Variants in DIS3L2 observed in about 807,000 individuals in gnomAD.
DIS3L2 encodes the protein DIS3 like 3'-5' exoribonuclease 2.
In DIS3L2, 34 loss-of-function variants were observed where a neutral mutation model predicts 97.5. That is an observed-to-expected ratio of 0.35 (90% CI 0.27 to 0.46). The LOEUF is 0.46. Among genes scored for constraint, DIS3L2 ranks in the 20% least tolerant of loss-of-function variants. The probability of loss-of-function intolerance (pLI) is 1.00; values close to 1 mark genes in which losing one functional copy is unlikely to be tolerated. For synonymous variants in DIS3L2, 435 were observed against 445.2 expected (o/e 0.98, Z 0.29); for missense variants, 1,038 against 1,146.0 (o/e 0.91, Z 1.36).
At chr2:232,089,804 G>T (rs1430025461) in intron 6 of DIS3L2, among the ~76,000 whole-genome samples, 2 of 152,162 alleles carry the variant, frequency 1.3e-5, no homozygotes, top group African/African-American at 4.8e-5. Flanking sequence ...AATACTGATG[G>T]ATGGAAGTGA....
At chr2:232,270,909 T>TCTCTCTCC (rs1693989893) in intron 13 of DIS3L2, among the ~76,000 whole-genome samples, 1 of 128,138 alleles carries the variant, frequency 7.8e-6, no homozygotes, top group East Asian at 2.0e-4. Flanking sequence ...TCTCTCTCTC[T>TCTCTCTCC]CTCTCTGTCT....
chr2:232,334,244 T>G, intron 17 of DIS3L2, 125 bp from the exon 18 acceptor site: 1 of 1,318,910 alleles, frequency 7.6e-7, no homozygotes, highest in Non-Finnish European at 1.0e-6. Context: ...TCTGCTGCCC[T>G]GGGAGCTGGG....
At chr2:232,016,921 TCTCCCTCC>T (rs1159539698) in intron 3 of DIS3L2, among the ~76,000 whole-genome samples, 1 of 88,624 alleles carries the variant, frequency 1.1e-5, no homozygotes, top group Non-Finnish European at 2.2e-5. Context: ...TCCCTCCCTC[TCTCCCTCC>T]CTCCCTCCCT....
chr2:232,309,012 A>G (rs574602770), intron 14 of DIS3L2, among the ~76,000 whole-genome samples: 3 of 152,096 alleles, frequency 2.0e-5, no homozygotes, highest in African/African-American at 7.2e-5. Context: ...AGGGGAGGGA[A>G]CAGGGGCAGG....
At chr2:232,206,746 G>A (rs1160462383) in intron 9 of DIS3L2, among the ~76,000 whole-genome samples, 1 of 152,088 alleles carries the variant, frequency 6.6e-6, no homozygotes, top group Non-Finnish European at 1.5e-5. Flanking sequence ...TTATGTTTCT[G>A]GTTTAAGAGC....
chr2:232,252,135 T>C (rs1360699566), intron 12 of DIS3L2, among the ~76,000 whole-genome samples: 1 of 152,214 alleles, frequency 6.6e-6, no homozygotes, highest in African/African-American at 2.4e-5. Flanking sequence ...GTGCCAGGTG[T>C]GGTGGCTCAT....
chr2:232,004,874 A>G (rs1336833743), intron 1 of DIS3L2, among the ~76,000 whole-genome samples: 1 of 152,010 alleles, frequency 6.6e-6, no homozygotes, highest in Non-Finnish European at 1.5e-5. Context: ...GAGCCACTAC[A>G]CCTGGTCTAA....
At chr2:232,068,546 C>T (rs988060934) in intron 5 of DIS3L2, among the ~76,000 whole-genome samples, 5 of 151,624 alleles carry the variant, frequency 3.3e-5, no homozygotes, top group Admixed American at 1.3e-4. Context: ...TGTGTCACTG[C>T]ACTCCAGCCT....
intron 10 of DIS3L2, among the ~76,000 whole-genome samples, 157 bp downstream of exon 10, chr2:232,210,562 G>A (rs1215142623): frequency 6.6e-6 from 1 of 152,220 alleles, no homozygotes; most frequent in Non-Finnish European, 1.5e-5. Flanking sequence ...TTACAACTAT[G>A]TGACCTTAAG....
At chr2:231,968,752 A>G (rs1481834354) in intron 1 of DIS3L2, among the ~76,000 whole-genome samples, 2 of 152,248 alleles carry the variant, frequency 1.3e-5, no homozygotes, top group African/African-American at 4.8e-5. Context: ...TGGATCATAT[A>G]ATAGGTATAT....
At chr2:232,051,115 A>G (rs879921154) in intron 5 of DIS3L2, among the ~76,000 whole-genome samples, 1 of 152,200 alleles carries the variant, frequency 6.6e-6, no homozygotes, top group Non-Finnish European at 1.5e-5. Context: ...TTTTATTTAT[A>G]TTCATGGTGT....
At chr2:232,341,127 A>G (rs754601529), downstream of DIS3L2, 4 of 363,968 alleles carry the variant, frequency 1.1e-5, no homozygotes, top group Non-Finnish European at 2.1e-5. Context: ...TGAGCTCTCA[A>G]CAGATACATG....
At chr2:232,327,029 GTCCTTGTCCTCGTGTTTACTGAAAACCA>G (rs1205725761) in intron 14 of DIS3L2, among the ~76,000 whole-genome samples, 1 of 152,160 alleles carries the variant, frequency 6.6e-6, no homozygotes, top group Non-Finnish European at 1.5e-5. Flanking sequence ...CCTCCCTCCT[GTCCTTGTCCTCGTGTTTACTGAAAACCA>G]TGAGAAGGGA....
chr2:232,034,914 G>A (rs556883321), intron 5 of DIS3L2, among the ~76,000 whole-genome samples: 9 of 152,326 alleles, frequency 5.9e-5, no homozygotes, highest in African/African-American at 1.9e-4. Context: ...GAATAAGTGT[G>A]ATGTGGTACT....
At chr2:232,102,242 T>G (rs1697225007) in intron 6 of DIS3L2, among the ~76,000 whole-genome samples, 1 of 152,164 alleles carries the variant, frequency 6.6e-6, no homozygotes, top group African/African-American at 2.4e-5. Context: ...ATAATAAGAT[T>G]AAATCCAATG....
chr2:232,311,147 A>C (rs1695118230), intron 14 of DIS3L2, among the ~76,000 whole-genome samples: 1 of 152,210 alleles, frequency 6.6e-6, no homozygotes, highest in South Asian at 2.1e-4. Context: ...AACTGACCCA[A>C]ACAAGGAAAT....
intron 7 of DIS3L2, among the ~76,000 whole-genome samples, chr2:232,134,686 G>A (rs1167038820): frequency 7.9e-5 from 12 of 152,124 alleles, no homozygotes; most frequent in Admixed American, 1.3e-4. Context: ...TTAGCCAGGC[G>A]TGGTGACTGG....
chr2:231,963,979 A>G (rs970549674), intron 1 of DIS3L2, among the ~76,000 whole-genome samples: 1 of 152,190 alleles, frequency 6.6e-6, no homozygotes, highest in African/African-American at 2.4e-5. Context: ...TCAGTTGCCC[A>G]AAGTGCTGGA....
At chr2:232,271,844 A>G (rs1473228277) in intron 13 of DIS3L2, among the ~76,000 whole-genome samples, 1 of 152,138 alleles carries the variant, frequency 6.6e-6, no homozygotes, top group Non-Finnish European at 1.5e-5. Context: ...CCCCTTTGAG[A>G]AAAAGGAAGA....
Sources: gnomAD v4.1 joint callset for allele counts (sites outside exome capture counted in the v4.1 genomes callset) on GRCh38, gnomAD v4.1.1 for gene constraint, MANE v1.5 for transcripts, NCBI Gene and HGNC (gene_info 2026-07-23, HGNC 2026-07-21) for gene names.